The following OVCH1 variants were observed in gnomAD, a reference collection of about 807,000 sequenced individuals.
The protein encoded by OVCH1 is ovochymase-1.
OVCH1 carries 139 observed loss-of-function variants against 138.4 expected under a neutral mutation model. That is an observed-to-expected ratio of 1.00 (90% CI 0.87 to 1.16). The LOEUF is 1.16. Ranked by LOEUF, OVCH1 falls within the 50% of genes most tolerant of loss-of-function variation. The pLI is 0.00. For missense variants in OVCH1, 1,367 were observed against 1,357.9 expected, an observed-to-expected ratio of 1.01 and a Z score of -0.11; for synonymous variants, 453 against 467.8, an observed-to-expected ratio of 0.97 and a Z score of 0.41.
exon 3 of OVCH1, chr12:29,496,243 T>C (rs1340230481): frequency 6.2e-7 from 1 of 1,608,842 alleles, no homozygotes; most frequent in Non-Finnish European, 8.5e-7. Flanking sequence ...TCAAGCTTCC[T>C]CCACAGAAGT....
intron 26 of OVCH1, among the ~76,000 whole-genome samples, chr12:29,436,715 T>C (rs1461022761): frequency 6.6e-6 from 1 of 152,054 alleles, no homozygotes; most frequent in African/African-American, 2.4e-5. Flanking sequence ...CACAGTTGAG[T>C]GTTACAGCTC....
At chr12:29,452,816 C>T (rs929536403) in intron 21 of OVCH1, among the ~76,000 whole-genome samples, 2 of 152,022 alleles carry the variant, frequency 1.3e-5, no homozygotes, top group African/African-American at 4.8e-5. Context: ...AAGTTAGTAG[C>T]GGGAGTGGGT....
At chr12:29,411,659 TG>T (rs1332511103), downstream of OVCH1, among the ~76,000 whole-genome samples, 2 of 152,140 alleles carry the variant, frequency 1.3e-5, no homozygotes, top group Non-Finnish European at 2.9e-5. Flanking sequence ...ATCGTTCCTC[TG>T]GAAGTTTTGT....
At chr12:29,432,031 G>A (rs1466237588) in intron 27 of OVCH1, among the ~76,000 whole-genome samples, 2 of 152,110 alleles carry the variant, frequency 1.3e-5, no homozygotes, top group African/African-American at 2.4e-5. Context: ...TATTTACCAC[G>A]CATAGTTATA....
At chr12:29,481,847 CTCA>C (rs1942944739) in intron 8 of OVCH1, among the ~76,000 whole-genome samples, 2 of 152,192 alleles carry the variant, frequency 1.3e-5, no homozygotes, top group Admixed American at 1.3e-4. Flanking sequence ...TGTTAGGTTA[CTCA>C]TATGGGGATC....
At chr12:29,481,061 G>A (rs1942915720) in intron 8 of OVCH1, among the ~76,000 whole-genome samples, 1 of 151,904 alleles carries the variant, frequency 6.6e-6, no homozygotes. Flanking sequence ...CAACTTCACA[G>A]TGCCGAATTT....
intron 27 of OVCH1, among the ~76,000 whole-genome samples, chr12:29,428,076 C>T (rs935272576): frequency 6.6e-6 from 1 of 152,180 alleles, no homozygotes. Context: ...GTTGGACATA[C>T]ACTGTCTCAC....
chr12:29,416,835 AC>A (rs1324312536), intron 3 of OVCH1, among the ~76,000 whole-genome samples: 2 of 152,264 alleles, frequency 1.3e-5, no homozygotes, highest in Non-Finnish European at 2.9e-5. Flanking sequence ...ACACATGTCC[AC>A]ACAAAAACTT....
At chr12:29,457,840 G>A (rs145032896) in intron 19 of OVCH1, among the ~76,000 whole-genome samples, 8 of 152,262 alleles carry the variant, frequency 5.3e-5, no homozygotes, top group African/African-American at 1.2e-4. Context: ...AAAGAATAAA[G>A]GTAGTTATAT....
chr12:29,487,301 A>G (rs780508960), intron 7 of OVCH1: 13 of 172,054 alleles, frequency 7.6e-5, no homozygotes, highest in Non-Finnish European at 1.5e-4. Flanking sequence ...TCATTTTTTC[A>G]CTGTTGCCAA....
intron 3 of OVCH1, among the ~76,000 whole-genome samples, chr12:29,412,999 C>T (rs12811135): frequency 0.1 from 15,203 of 151,230 alleles, 852 homozygotes; most frequent in Middle Eastern, 0.21. Context: ...ATACTACTGG[C>T]ATGCACTATC....
chr12:29,478,995 G>T, intron 8 of OVCH1, 27 bp from the exon 10 acceptor site: 1 of 867,004 alleles, frequency 1.2e-6, no homozygotes. Flanking sequence ...TGAAGAAAAT[G>T]TAATAAATGG....
chr12:29,487,625 A>C, intron 7 of OVCH1, 68 bp downstream of exon 7: 1 of 1,406,592 alleles, frequency 7.1e-7, no homozygotes, highest in Non-Finnish European at 9.7e-7. Context: ...TAGTTCTGAT[A>C]ATATCGCAAC....
At chr12:29,410,984 A>G (rs559053689), downstream of OVCH1, among the ~76,000 whole-genome samples, 1 of 151,674 alleles carries the variant, frequency 6.6e-6, no homozygotes, top group Non-Finnish European at 1.5e-5. Flanking sequence ...ACATAGTCCC[A>G]TATTTCTTGG....
chr12:29,475,758 A>G (rs1942685331), intron 13 of OVCH1, among the ~76,000 whole-genome samples: 1 of 152,222 alleles, frequency 6.6e-6, no homozygotes, highest in Non-Finnish European at 1.5e-5. Context: ...AAATCTTCAA[A>G]CTCAGTAAAT....
At chr12:29,417,882 G>A (rs975087862) in intron 3 of OVCH1, among the ~76,000 whole-genome samples, 22 of 151,996 alleles carry the variant, frequency 1.4e-4, no homozygotes, top group African/African-American at 5.3e-4. Context: ...TTGCTGACTT[G>A]GTTATAAAAG....
chr12:29,466,551 C>T (rs550827575), intron 16 of OVCH1, among the ~76,000 whole-genome samples: 3 of 152,214 alleles, frequency 2.0e-5, no homozygotes, highest in Non-Finnish European at 2.9e-5. Flanking sequence ...ATTGGCAAAA[C>T]TCAACTATTG....
At chr12:29,454,810 G>C (rs1200694740) in intron 21 of OVCH1, 31 bp downstream of exon 21, 2 of 1,557,374 alleles carry the variant, frequency 1.3e-6, no homozygotes, top group Non-Finnish European at 1.8e-6. Context: ...CTGGCTGAAA[G>C]TATTAATGGG....
At chr12:29,411,747 G>T (rs192631628), downstream of OVCH1, among the ~76,000 whole-genome samples, 59 of 151,234 alleles carry the variant, frequency 3.9e-4, no homozygotes, top group Admixed American at 3.2e-3. Flanking sequence ...CTGCTCAGGG[G>T]TCAGAGGTCA....
Sources: allele counts gnomAD v4.1 joint callset (sites outside exome capture counted in the v4.1 genomes callset), GRCh38; gene constraint gnomAD v4.1.1; transcripts MANE v1.5; gene names NCBI Gene and HGNC (gene_info 2026-07-23, HGNC 2026-07-21).